FCHO1: variants seen among roughly 807,000 people sequenced by gnomAD.
The protein encoded by FCHO1 is FCH and mu domain containing endocytic adaptor 1, also known as F-BAR domain only protein 1.
In FCHO1, 45 loss-of-function variants were observed where a neutral mutation model predicts 114.4. The ratio of observed to expected loss-of-function variants is 0.39; its 90% CI spans 0.31 to 0.50. The LOEUF (loss-of-function observed/expected upper bound fraction) is 0.50. Among genes scored for constraint, FCHO1 ranks in the 20% least tolerant of loss-of-function variants. The probability of loss-of-function intolerance (pLI) is 0.77; values close to 1 mark genes in which losing one functional copy is unlikely to be tolerated. For synonymous variants in FCHO1, 480 were observed against 488.9 expected (o/e 0.98, Z 0.24); for missense variants, 1,042 against 1,209.6 (o/e 0.86, Z 2.06).
At chr19:17,781,913 A>G (rs2093448117) in intron 23 of FCHO1, 93 bp downstream of exon 23, 1 of 831,394 alleles carries the variant, frequency 1.2e-6, no homozygotes, top group Non-Finnish European at 1.9e-6. Flanking sequence ...GGTCTGTCTT[A>G]TAGTGAAAGG....
chr19:17,769,617 ACACACACACACACAC>A (rs1568341622), intron 7 of FCHO1, among the ~76,000 whole-genome samples: 4 of 148,480 alleles, frequency 2.7e-5, no homozygotes, highest in Admixed American at 6.7e-5. Context: ...ACACACACAC[ACACACACACACACAC>A]AAAACGGTGA....
At chr19:17,774,751 C>G in intron 13 of FCHO1, 1 of 587,166 alleles carries the variant, frequency 1.7e-6, no homozygotes, top group Non-Finnish European at 3.0e-6. Flanking sequence ...CCTGCCCAAG[C>G]TGGCCCAGGA....
At chr19:17,757,960 T>C (rs892693032) in intron 4 of FCHO1, among the ~76,000 whole-genome samples, 4 of 147,810 alleles carry the variant, frequency 2.7e-5, no homozygotes, top group Non-Finnish European at 4.4e-5. Context: ...CTCACACCTG[T>C]AATCCCAGCA....
At chr19:17,783,827 C>T (rs1235256146) in intron 24 of FCHO1, among the ~76,000 whole-genome samples, 7 of 151,998 alleles carry the variant, frequency 4.6e-5, no homozygotes, top group Admixed American at 6.6e-5. Flanking sequence ...GTGATCCACC[C>T]GTCTCAGCCT....
At chr19:17,778,456 A>G (rs932138121) in intron 19 of FCHO1, 153 bp from the exon 20 acceptor site, 10 of 892,532 alleles carry the variant, frequency 1.1e-5, no homozygotes, top group Non-Finnish European at 1.7e-5. Flanking sequence ...TGGAGAGGGA[A>G]GTCACCAGAA....
rs769073340 is a variant in FCHO1, at chr19:17,784,695, T to C, written c.2227-30T>C. Reference sequence around the variant, plus strand: ...TGGCAAGACAGGATGGCCCAAGCTGTGTCCTCTCTCTCATTCTCATTCTTC... The same window carrying C: ...TGGCAAGACAGGATGGCCCAAGCTGCGTCCTCTCTCTCATTCTCATTCTTC... On this transcript the variant is annotated intron_variant, in intron 25 of 28. Transcript: ENST00000596536. This position sits in a 1 kb window ranked among gnomAD's most constrained non-coding sequence, Gnocchi z 5.3. 1.2e-6 allele frequency: 2 copies of C among 1,606,466 alleles called. No homozygotes were observed. The highest frequency in any genetic ancestry group is 2.7e-5 in the African/African-American group (2 of 74,914).
chr19:17,781,356 G>A lies in FCHO1; in HGVS notation c.1740+13G>A, dbSNP rs114340602. ...CAATGGGGACCTGGTAGGTGAGGGGGCGTGGCAGGAGCTGGACTGGGGGTC... is the reference window on the plus strand; with the variant it reads ...CAATGGGGACCTGGTAGGTGAGGGGACGTGGCAGGAGCTGGACTGGGGGTC... On this transcript the variant is annotated intron_variant, in intron 21 of 28. Transcript: ENST00000596536. The A allele has an allele frequency of 1.5e-3, 2,492 of 1,611,582 alleles. 32 individuals carry two copies. The African/African-American group carries it at 0.03, about 19-fold the overall frequency.
chr19:17,767,666 CAT>C (rs931148176), intron 7 of FCHO1, among the ~76,000 whole-genome samples: 3 of 151,606 alleles, frequency 2.0e-5, no homozygotes, highest in South Asian at 2.1e-4. Flanking sequence ...AATTTCACCA[CAT>C]GTGAAAATTG....
Position 17,788,434 on chromosome 19 carries a change from C to T in FCHO1, c.*128C>T, listed in dbSNP as rs1346727836. 1 of 684,038 alleles carries T rather than the reference C, an allele frequency of 1.5e-6. No homozygotes were observed. The highest frequency in any genetic ancestry group is 2.8e-5 in the East Asian group (1 of 35,844). The allele number at this position is 684,038 out of a possible 1,614,324, so 42.4% of individuals were successfully genotyped here. A position where few individuals can be genotyped will look rare whatever the true frequency, so the allele number is the denominator to read the frequency against. On this transcript the variant is annotated 3_prime_UTR_variant, in exon 29 of 29. Coordinates refer to ENST00000596536, the MANE Select transcript of FCHO1 (RefSeq NM_015122.3). ...GAGGCCCATACTCCACGGAGAGGAG[C>T]CCCATGCCCAGCCTGGCTGAGCCCG...
intron 4 of FCHO1, among the ~76,000 whole-genome samples, chr19:17,761,933 A>G (rs1202237093): frequency 1.3e-5 from 2 of 151,450 alleles, no homozygotes; most frequent in Non-Finnish European, 2.9e-5. Context: ...TGCTAGGATT[A>G]CAGGCGTGAC....
At chr19:17,771,353 G>C in intron 9 of FCHO1, among the ~76,000 whole-genome samples, 1 of 138,312 alleles carries the variant, frequency 7.2e-6, no homozygotes, top group Non-Finnish European at 1.6e-5. Context: ...ACCGACAGGT[G>C]TATATAAAAA....
intron 28 of FCHO1, 83 bp downstream of exon 28, chr19:17,787,929 G>A (rs1599825533): frequency 1.4e-6 from 2 of 1,476,336 alleles, no homozygotes; most frequent in East Asian, 4.7e-5. Context: ...AGGGATTGGG[G>A]TGTGGGGATC....
intron 26 of FCHO1, among the ~76,000 whole-genome samples, chr19:17,785,173 G>A (rs553258240): frequency 6.6e-6 from 1 of 152,110 alleles, no homozygotes; most frequent in East Asian, 1.9e-4. Context: ...TGGGCAATAT[G>A]GTGAGATCTC....
upstream of FCHO1, chr19:17,751,347 T>TG (rs2081910282): frequency 6.6e-6 from 1 of 152,332 alleles, no homozygotes; most frequent in Admixed American, 6.5e-5. The surrounding 1 kb of genome is among the most constrained non-coding windows in gnomAD (Gnocchi z 4.4). Context: ...CAAGCGCCTC[T>TG]TGTTTACTCA....
upstream of FCHO1, among the ~76,000 whole-genome samples, chr19:17,750,596 T>C (rs1362803733): frequency 2.1e-5 from 3 of 144,606 alleles, no homozygotes; most frequent in East Asian, 2.2e-4. Context: ...GTAGCTGGGA[T>C]TACAGGCATA....
At position 17,788,496 on chromosome 19, in the gene FCHO1, G is replaced by C; in HGVS notation, c.*190G>C. The C allele has an allele frequency of 1.8e-6, 1 of 558,726 alleles. No individual in the cohort carries two copies. The highest frequency in any genetic ancestry group is 3.2e-6 in the Non-Finnish European group (1 of 310,418). 34.6% of individuals were successfully genotyped at this position (558,726 alleles called of 1,614,324 possible). ...TCCCCCTCATGCCAACCCCACACAG[G>C]TCCCGGCCTTTTAATGTTCTTTGAA... is the stretch of plus-strand genomic sequence containing the variant. On this transcript the variant is annotated 3_prime_UTR_variant, in exon 29 of 29. Coordinates refer to ENST00000596536, the MANE Select transcript of FCHO1 (RefSeq NM_015122.3).
In FCHO1 at chr19:17,774,490, C is replaced by G; in HGVS notation, c.920+12C>G. 6.2e-7 allele frequency: 1 copy of G among 1,610,386 alleles called. No homozygotes were observed. Among genetic ancestry groups the G allele is most frequent in the Non-Finnish European group, 8.5e-7 (1 of 1,178,416 alleles). On this transcript the variant is annotated intron_variant, in intron 13 of 28. Transcript: ENST00000596536. ...CCACCTGCAGCTGTGTGAGGAAGCACCCCTGCCCGGTCTGGCCCAGGCTAG... is the reference window on the plus strand; with the variant it reads ...CCACCTGCAGCTGTGTGAGGAAGCAGCCCTGCCCGGTCTGGCCCAGGCTAG...
At chr19:17,773,690 A>G (rs1297202674) in intron 11 of FCHO1, among the ~76,000 whole-genome samples, 1 of 152,154 alleles carries the variant, frequency 6.6e-6, no homozygotes, top group African/African-American at 2.4e-5. Flanking sequence ...ATGTAGAAGT[A>G]GCTCATGTCA....
intron 19 of FCHO1, 86 bp from the exon 20 acceptor site, chr19:17,778,523 C>T (rs2092947131): frequency 7.0e-7 from 1 of 1,433,054 alleles, no homozygotes. Context: ...CTGACCTTCC[C>T]TCGACGTGGC....
Sources: allele counts gnomAD v4.1 joint callset (sites outside exome capture counted in the v4.1 genomes callset), GRCh38; gene constraint gnomAD v4.1.1; non-coding constraint Gnocchi (gnomAD v3.1); transcripts MANE v1.5; gene names NCBI Gene and HGNC (gene_info 2026-07-23, HGNC 2026-07-21).